PTPRD: variants seen among roughly 807,000 people sequenced by gnomAD.
PTPRD encodes receptor-type tyrosine-protein phosphatase delta.
In PTPRD, 34 loss-of-function variants were observed where a neutral mutation model predicts 214.5. The observed-to-expected ratio is 0.16, with a 90% CI of 0.12 to 0.21. The LOEUF is 0.21. Ranked by LOEUF, PTPRD falls within the 10% of genes least tolerant of loss-of-function variation. PTPRD has a pLI of 1.00. For synonymous variants in PTPRD, 1,128 were observed against 845.7 expected (o/e 1.33, Z -5.79); for missense variants, 2,545 against 2,398.7 (o/e 1.06, Z -1.27).
intron 36 of PTPRD, among the ~76,000 whole-genome samples, chr9:8,393,400 G>C (rs1490030899): frequency 2.0e-5 from 3 of 152,126 alleles, no homozygotes; most frequent in Admixed American, 2.0e-4. Context: ...TCCAATACTA[G>C]AATAACAGTG....
rs150844597 is a variant in PTPRD at position 9,049,154 on chromosome 9, C to G, written c.-142-30419G>C. ...TTTGCTTCCTTGTAAAACCTAAGGT[C>G]TAGCAGACCTTCTCAAGGAACATTC... On this transcript the variant is annotated intron_variant, in intron 10 of 45. Coordinates refer to ENST00000381196, the MANE Select transcript of PTPRD (RefSeq NM_002839.4). Among the ~76,000 whole-genome samples, 241 of 152,270 alleles carry G rather than the reference C, an allele frequency of 1.6e-3. 3 individuals are homozygous for G. Among genetic ancestry groups the G allele is most frequent in the South Asian group, 0.014 (67 of 4,828 alleles).
At chr9:9,227,830 A>T (rs2099960527) in intron 9 of PTPRD, among the ~76,000 whole-genome samples, 1 of 152,080 alleles carries the variant, frequency 6.6e-6, no homozygotes, top group South Asian at 2.1e-4. Context: ...AACCCTTTAG[A>T]TGACTGTAGC....
chr9:9,600,438 C>T (rs944262240), intron 7 of PTPRD, among the ~76,000 whole-genome samples: 111 of 151,132 alleles, frequency 7.3e-4, no homozygotes, highest in Non-Finnish European at 1.3e-3. Context: ...TATTAGCCCC[C>T]GTTTTAAGGT....
intron 12 of PTPRD, among the ~76,000 whole-genome samples, chr9:8,664,717 C>T (rs1180909968): frequency 6.6e-6 from 1 of 152,210 alleles, no homozygotes; most frequent in South Asian, 2.1e-4. Context: ...CCCCACACTA[C>T]ACTATTCCTG....
intron 10 of PTPRD, among the ~76,000 whole-genome samples, chr9:9,045,734 C>T (rs2099670592): frequency 1.3e-5 from 2 of 152,244 alleles, no homozygotes; most frequent in South Asian, 4.1e-4. Context: ...CTGTTCATTC[C>T]TTCAGCCAGC....
At chr9:8,523,102 A>G (rs539188178) in intron 19 of PTPRD, among the ~76,000 whole-genome samples, 1 of 152,274 alleles carries the variant, frequency 6.6e-6, no homozygotes, top group South Asian at 2.1e-4. Context: ...ATCAAAGAAC[A>G]TATCAAGAAA....
intron 2 of PTPRD, among the ~76,000 whole-genome samples, chr9:10,422,484 T>C (rs983280047): frequency 6.6e-6 from 1 of 151,988 alleles, no homozygotes; most frequent in Non-Finnish European, 1.5e-5. Context: ...TAAGAGCTTC[T>C]ACACAGCAAA....
chr9:10,285,681 G>A (rs2154396906), intron 3 of PTPRD, among the ~76,000 whole-genome samples: 1 of 144,806 alleles, frequency 6.9e-6, no homozygotes, highest in Admixed American at 7.4e-5. Context: ...TGCCATCTAG[G>A]CTCACTGCAA....
At chr9:9,912,313 C>G (rs1257321061) in intron 5 of PTPRD, among the ~76,000 whole-genome samples, 1 of 152,162 alleles carries the variant, frequency 6.6e-6, no homozygotes, top group Admixed American at 6.5e-5. Flanking sequence ...ATACAAACTA[C>G]AGCATACAAA....
chr9:9,244,310 A>G (rs1374602676), intron 9 of PTPRD, among the ~76,000 whole-genome samples: 1 of 152,102 alleles, frequency 6.6e-6, no homozygotes, highest in Non-Finnish European at 1.5e-5. Context: ...TGGAACCAAA[A>G]AAGAGCCCGC....
At chr9:9,236,727 G>A (rs963672687) in intron 9 of PTPRD, among the ~76,000 whole-genome samples, 7 of 151,706 alleles carry the variant, frequency 4.6e-5, no homozygotes, top group South Asian at 2.1e-4. Context: ...TTAACACTCC[G>A]TCTATTGGGG....
intron 3 of PTPRD, among the ~76,000 whole-genome samples, chr9:10,094,683 G>A (rs1192424121): frequency 6.6e-6 from 1 of 151,124 alleles, no homozygotes; most frequent in Non-Finnish European, 1.5e-5. Context: ...AAAACAAGAT[G>A]CTGCAGAGCT....
chr9:8,407,520 A>C, intron 35 of PTPRD, among the ~76,000 whole-genome samples: 1 of 152,230 alleles, frequency 6.6e-6, no homozygotes, highest in Non-Finnish European at 1.5e-5. Context: ...CGACTAAGCC[A>C]TGATACTACT....
chr9:9,051,354 G>A (rs1245434039), intron 10 of PTPRD, among the ~76,000 whole-genome samples: 1 of 152,132 alleles, frequency 6.6e-6, no homozygotes. Flanking sequence ...TGGCCAACAT[G>A]CATTGCCTGA....
chr9:9,380,074 G>C (rs1036483545), intron 9 of PTPRD, among the ~76,000 whole-genome samples: 11 of 151,914 alleles, frequency 7.2e-5, no homozygotes, highest in African/African-American at 2.7e-4. Context: ...AGCGAGATAG[G>C]GAATCCTTTC....
chr9:8,960,955 A>G (rs920091543), intron 11 of PTPRD, among the ~76,000 whole-genome samples: 2 of 152,122 alleles, frequency 1.3e-5, no homozygotes, highest in Admixed American at 6.6e-5. Flanking sequence ...TGTTCCTGGG[A>G]TTGCAATACA....
intron 12 of PTPRD, among the ~76,000 whole-genome samples, chr9:8,719,785 C>T: frequency 6.6e-6 from 1 of 151,344 alleles, no homozygotes. Context: ...ATGTATAAGG[C>T]TTTTAAAATG....
intron 8 of PTPRD, among the ~76,000 whole-genome samples, chr9:9,525,369 T>G (rs976106383): frequency 1.3e-5 from 2 of 152,200 alleles, no homozygotes; most frequent in African/African-American, 4.8e-5. Context: ...ACGCTTATTG[T>G]ATATTGCTAA....
intron 14 of PTPRD, among the ~76,000 whole-genome samples, chr9:8,557,451 T>C (rs749142755): frequency 7.4e-6 from 1 of 135,352 alleles, no homozygotes; most frequent in African/African-American, 3.5e-5. Context: ...TATATATATA[T>C]ATATATTTGG....
Sources: allele counts gnomAD v4.1 joint callset (sites outside exome capture counted in the v4.1 genomes callset), GRCh38; gene constraint gnomAD v4.1.1; transcripts MANE v1.5; gene names NCBI Gene and HGNC (gene_info 2026-07-23, HGNC 2026-07-21).